The following EDA variants were observed in gnomAD, a reference collection of about 807,000 sequenced individuals.
The protein encoded by EDA is ectodysplasin-A.
A neutral mutation model predicts 23.6 loss-of-function variants in EDA; 2 were observed. The observed-to-expected ratio is 0.08, with a 90% CI of 0.03 to 0.27. The LOEUF (loss-of-function observed/expected upper bound fraction) is 0.27. Among genes scored for constraint, EDA ranks in the 10% least tolerant of loss-of-function variants. EDA has a pLI of 1.00. For missense variants in EDA, 229 were observed against 324.2 expected, an observed-to-expected ratio of 0.71 and a Z score of 2.26; for synonymous variants, 131 against 132.0, an observed-to-expected ratio of 0.99 and a Z score of 0.05.
At chrX:69,702,757 A>C (rs1241144855) in intron 1 of EDA, among the ~76,000 whole-genome samples, 1 of 111,227 alleles carries the variant, frequency 9.0e-6, no homozygotes, top group African/African-American at 3.3e-5. Flanking sequence ...AGTGCAAAAA[A>C]GCCTGGACAT....
chrX:69,701,967 A>G (rs757671992), intron 1 of EDA, among the ~76,000 whole-genome samples: 32 of 110,983 alleles, frequency 2.9e-4, no homozygotes, highest in African/African-American at 9.5e-4. Context: ...GGGTCCAGAT[A>G]TGGTCCCGGT....
chrX:69,682,406 G>A (rs1039703272), intron 1 of EDA, among the ~76,000 whole-genome samples: 2 of 112,396 alleles, frequency 1.8e-5, no homozygotes, highest in African/African-American at 3.2e-5. Context: ...AATGGCGGGC[G>A]CCCCTCCCCC....
At chrX:69,788,949 G>C (rs12848978) in intron 1 of EDA, among the ~76,000 whole-genome samples, 6 of 111,292 alleles carry the variant, frequency 5.4e-5, no homozygotes, top group African/African-American at 1.9e-4. Flanking sequence ...GCGAGACTCC[G>C]TGGGCGTAGG....
At chrX:69,663,693 C>T (rs1933588934) in intron 1 of EDA, among the ~76,000 whole-genome samples, 1 of 112,077 alleles carries the variant, frequency 8.9e-6, no homozygotes, top group Admixed American at 9.4e-5. Context: ...CTACTGACAG[C>T]TTGTACTGTG....
chrX:69,655,133 C>T (rs1045483916), intron 1 of EDA, among the ~76,000 whole-genome samples: 14 of 111,909 alleles, frequency 1.3e-4, no homozygotes, highest in Non-Finnish European at 2.6e-4. Context: ...CGGTGGCTCA[C>T]GCCTGGAATC....
At chrX:69,642,640 T>C (rs1932853717) in intron 1 of EDA, among the ~76,000 whole-genome samples, 1 of 111,790 alleles carries the variant, frequency 8.9e-6, no homozygotes, top group South Asian at 3.7e-4. Context: ...TGCTATGATA[T>C]ACACTGTAAA....
intron 1 of EDA, among the ~76,000 whole-genome samples, chrX:69,718,594 CATTG>C (rs1260878285): frequency 9.0e-6 from 1 of 110,549 alleles, no homozygotes; most frequent in Non-Finnish European, 1.9e-5. Context: ...TTGTGAATTA[CATTG>C]ATTGATTTTT....
chrX:69,929,125 C>T (rs187245513), intron 1 of EDA, among the ~76,000 whole-genome samples: 1 of 111,417 alleles, frequency 9.0e-6, no homozygotes, highest in African/African-American at 3.3e-5. Context: ...TAGGTACCAG[C>T]TGATAAGAGA....
chrX:69,929,563 G>A (rs1463172325), intron 1 of EDA, among the ~76,000 whole-genome samples: 1 of 110,074 alleles, frequency 9.1e-6, no homozygotes, highest in Non-Finnish European at 1.9e-5. Flanking sequence ...CCTAGTTGCC[G>A]ATTGTTTACC....
At chrX:69,749,385 G>A (rs2013736356) in intron 1 of EDA, among the ~76,000 whole-genome samples, 1 of 91,179 alleles carries the variant, frequency 1.1e-5, no homozygotes, top group Non-Finnish European at 2.2e-5. Context: ...TGTGAATAAT[G>A]CCGCAATAAA....
In EDA at chrX:70,035,785, A is replaced by G; in HGVS notation, c.*176A>G. 3 of 563,309 alleles carry G rather than the reference A, an allele frequency of 5.3e-6. No individual in the cohort carries two copies. The South Asian group carries it at 9.2e-5, about 17-fold the overall frequency. The allele number at this position is 563,309 out of a possible 1,213,427, so 46.4% of individuals were successfully genotyped here. A position where few individuals can be genotyped will look rare whatever the true frequency, so the allele number is the denominator to read the frequency against. The stretch of plus-strand genomic sequence containing the variant: ...GGTGACAAGGCCTGCTTGACTTTCC[A>G]GAATGACCTTGAGTTAACAGGACAG... On this transcript the variant is annotated 3_prime_UTR_variant, in exon 8 of 8. Transcript: ENST00000374552.
chrX:69,836,045 G>T (rs1028197847), intron 1 of EDA, among the ~76,000 whole-genome samples: 2 of 112,178 alleles, frequency 1.8e-5, no homozygotes, highest in Non-Finnish European at 3.8e-5. Flanking sequence ...ACCAGTGGAG[G>T]CTGCAGAACA....
chrX:69,967,197 A>G (rs1256703852), intron 2 of EDA, among the ~76,000 whole-genome samples: 1 of 111,568 alleles, frequency 9.0e-6, no homozygotes, highest in African/African-American at 3.3e-5. Flanking sequence ...GTGAGAGGGC[A>G]TAATGAAGAC....
intron 1 of EDA, among the ~76,000 whole-genome samples, chrX:69,751,984 G>T (rs186790004): frequency 2.7e-5 from 3 of 110,703 alleles, no homozygotes; most frequent in African/African-American, 9.9e-5. Flanking sequence ...GGGCTGCGAC[G>T]ATGGGGTTTT....
chrX:69,833,798 C>T (rs969520616), intron 1 of EDA, among the ~76,000 whole-genome samples: 8 of 110,807 alleles, frequency 7.2e-5, no homozygotes, highest in African/African-American at 9.9e-5. Flanking sequence ...GGAATTCATC[C>T]ATTTCTTTCT....
intron 1 of EDA, among the ~76,000 whole-genome samples, chrX:69,801,151 T>C (rs928013383): frequency 9.0e-6 from 1 of 111,562 alleles, no homozygotes; most frequent in African/African-American, 3.3e-5. Flanking sequence ...AGTAAAAGTA[T>C]AGGAAAATGT....
At position 69,843,714 on chromosome X, in the gene EDA, G is replaced by T. The variant is rs774011569; in HGVS notation, c.397-113313G>T. On this transcript the variant is annotated intron_variant, in intron 1 of 7. Coordinates refer to ENST00000374552, the MANE Select transcript of EDA (RefSeq NM_001399.5). Reference sequence around the variant, plus strand: ...AAAATATAAAAAGCCATATATATGGGATGGAATTATAAAGACTTCATTAAA... The same window carrying T: ...AAAATATAAAAAGCCATATATATGGTATGGAATTATAAAGACTTCATTAAA... Among the ~76,000 whole-genome samples the T allele has an allele frequency of 1.8e-5, 2 of 111,383 alleles. 1 individual carries two copies. The highest frequency in any genetic ancestry group is 1.9e-4 in the Admixed American group (2 of 10,471).
chrX:69,653,292 A>T (rs1226804187), intron 1 of EDA, among the ~76,000 whole-genome samples: 1 of 111,522 alleles, frequency 9.0e-6, no homozygotes, highest in East Asian at 2.8e-4. Context: ...TTATTGGTAT[A>T]TAAGAATGCT....
At chrX:69,721,293 G>A (rs990507150) in intron 1 of EDA, among the ~76,000 whole-genome samples, 6 of 112,135 alleles carry the variant, frequency 5.4e-5, no homozygotes, top group African/African-American at 1.9e-4. Context: ...AGAGTCTTGG[G>A]TTTGTGAGAT....
Sources: allele counts gnomAD v4.1 joint callset (sites outside exome capture counted in the v4.1 genomes callset), GRCh38; gene constraint gnomAD v4.1.1; transcripts MANE v1.5; gene names NCBI Gene and HGNC (gene_info 2026-07-23, HGNC 2026-07-21).